The following MTUS2 variants were observed in gnomAD, a reference collection of about 807,000 sequenced individuals.
MTUS2 encodes the protein microtubule associated scaffold protein 2.
A neutral mutation model predicts 114.1 loss-of-function variants in MTUS2; 40 were observed. The ratio of observed to expected loss-of-function variants is 0.35; its 90% CI spans 0.27 to 0.46. The LOEUF is 0.46. Ranked by LOEUF, MTUS2 falls within the 20% of genes least tolerant of loss-of-function variation. The pLI is 1.00. For missense variants in MTUS2, 1,679 were observed against 1,705.4 expected (o/e 0.98, Z 0.27); for synonymous variants, 688 against 672.0 (o/e 1.02, Z -0.37).
At chr13:29,322,023 A>G (rs1479571213) in intron 6 of MTUS2, among the ~76,000 whole-genome samples, 1 of 152,138 alleles carries the variant, frequency 6.6e-6, no homozygotes, top group East Asian at 1.9e-4. Flanking sequence ...CTTATGTTAT[A>G]TATGTTATAA....
chr13:29,289,014 C>G (rs553734142), intron 6 of MTUS2, among the ~76,000 whole-genome samples: 174 of 152,280 alleles, frequency 1.1e-3, no homozygotes, highest in African/African-American at 4.0e-3. Flanking sequence ...AAAAAAAAAT[C>G]CTTTATAAAA....
chr13:29,026,618 G>A lies in MTUS2; in HGVS notation c.1920G>A (p.Val640=). The change falls in exon 3 of 16, where the codon GTG becomes GTA. Residue 640 remains valine, a synonymous_variant. Transcript: ENST00000612955. ...TCATTATGCCCAAGCCCAAGCATGT[G>A]AGGCCCAAGATCATCACCTACATCA... ...KPIIMPKPKH[V]RPKIITYIRR... is the part of the protein sequence containing the mutation. 1.9e-6 allele frequency: 3 copies of A among 1,613,978 alleles called. No homozygotes were observed. In the Admixed American group the frequency reaches 5.0e-5, roughly 27 times the overall value.
intron 8 of MTUS2, among the ~76,000 whole-genome samples, chr13:29,375,603 AT>A (rs1871624685): frequency 1.6e-3 from 7 of 4,382 alleles, no homozygotes; most frequent in Non-Finnish European, 4.0e-3. Context: ...ATATATATAT[AT>A]ATACGTATAT....
At chr13:28,981,379 G>C (rs1187873874) in intron 2 of MTUS2, among the ~76,000 whole-genome samples, 1 of 152,152 alleles carries the variant, frequency 6.6e-6, no homozygotes, top group Non-Finnish European at 1.5e-5. Flanking sequence ...CAAACGTGTA[G>C]GTAGTTTCCA....
chr13:29,095,838 T>C (rs781445084), intron 4 of MTUS2, among the ~76,000 whole-genome samples: 53 of 152,206 alleles, frequency 3.5e-4, no homozygotes, highest in Non-Finnish European at 7.1e-4. Flanking sequence ...TTTCTCTCTT[T>C]ATTGTTATTT....
intron 2 of MTUS2, among the ~76,000 whole-genome samples, chr13:29,000,244 G>C (rs1713097077): frequency 6.6e-6 from 1 of 152,170 alleles, no homozygotes; most frequent in African/African-American, 2.4e-5. Context: ...TTGCACGGCA[G>C]GTATAGTGGT....
chr13:29,396,731 G>C (rs1025050104), intron 8 of MTUS2, among the ~76,000 whole-genome samples: 1 of 152,164 alleles, frequency 6.6e-6, no homozygotes, highest in Non-Finnish European at 1.5e-5. Flanking sequence ...CCAGTAACAA[G>C]GGAGCAAAAC....
chr13:29,049,483 A>G (rs752655141), intron 4 of MTUS2, among the ~76,000 whole-genome samples: 2 of 152,216 alleles, frequency 1.3e-5, no homozygotes, highest in African/African-American at 2.4e-5. Context: ...AGGTTTAGCA[A>G]TGAAGCTAGA....
intron 2 of MTUS2, among the ~76,000 whole-genome samples, chr13:28,906,430 G>A (rs1227374872): frequency 6.6e-6 from 1 of 151,092 alleles, no homozygotes; most frequent in Non-Finnish European, 1.5e-5. Flanking sequence ...CTTTGAATGT[G>A]TCCCAGAGAT....
At chr13:29,369,075 A>G (rs2388093) in intron 8 of MTUS2, among the ~76,000 whole-genome samples, 100,139 of 151,558 alleles carry the variant, frequency 0.66, 33,200 homozygotes, top group East Asian at 0.75. Flanking sequence ...CAGGAACCAG[A>G]CAGCAGAAGA....
intron 5 of MTUS2, among the ~76,000 whole-genome samples, chr13:29,251,329 C>T (rs749785807): frequency 7.3e-6 from 1 of 136,344 alleles, no homozygotes; most frequent in African/African-American, 3.0e-5. Flanking sequence ...AAATGCCTAC[C>T]ATCTGGCATG....
intron 6 of MTUS2, among the ~76,000 whole-genome samples, chr13:29,290,202 T>C (rs1273345944): frequency 6.6e-6 from 1 of 152,222 alleles, no homozygotes; most frequent in Non-Finnish European, 1.5e-5. Flanking sequence ...ACCCATAATA[T>C]TTACTTACCA....
intron 5 of MTUS2, among the ~76,000 whole-genome samples, chr13:29,233,032 A>G (rs1408385118): frequency 6.6e-6 from 1 of 152,230 alleles, no homozygotes; most frequent in African/African-American, 2.4e-5. Context: ...AAGAACAGCA[A>G]AATGACTCTG....
At chr13:29,378,080 C>T (rs1404482552) in intron 8 of MTUS2, among the ~76,000 whole-genome samples, 2 of 152,100 alleles carry the variant, frequency 1.3e-5, no homozygotes, top group African/African-American at 2.4e-5. Context: ...ACTATAGTGA[C>T]AGAGAACAGA....
In MTUS2 at chr13:29,359,562, T is replaced by C. The variant is rs1490315352; in HGVS notation, c.3117+89T>C. ...CGGTTGTTTGTGTATGTTGCTGTTT[T>C]GGGTTTGAGTTTTGATCAGAGTGGA... On this transcript the variant is annotated intron_variant, in intron 8 of 15. Coordinates refer to ENST00000612955, the MANE Select transcript of MTUS2 (RefSeq NM_001033602.4). 13 of 1,432,914 alleles carry C rather than the reference T, an allele frequency of 9.1e-6. No homozygotes were observed. The Admixed American group carries it at 2.5e-4, about 27-fold the overall frequency. 88.8% of individuals were successfully genotyped at this position (1,432,914 alleles called of 1,614,324 possible). A position where few individuals can be genotyped will look rare whatever the true frequency, so the allele number is the denominator to read the frequency against.
chr13:29,109,950 C>T (rs984743107), intron 5 of MTUS2, among the ~76,000 whole-genome samples: 10 of 152,334 alleles, frequency 6.6e-5, no homozygotes, highest in African/African-American at 2.2e-4. Context: ...AAGCTAAAAA[C>T]ATATCGTTTT....
At chr13:29,441,491 C>A (rs1043239743) in intron 9 of MTUS2, among the ~76,000 whole-genome samples, 2 of 152,214 alleles carry the variant, frequency 1.3e-5, no homozygotes, top group Non-Finnish European at 2.9e-5. Flanking sequence ...GCAGTGATGA[C>A]CTCATTGCCA....
Position 29,141,001 on chromosome 13 carries a change from C to A in MTUS2, c.2644+40031C>A, listed in dbSNP as rs1475464. On this transcript the variant is annotated intron_variant, in intron 5 of 15. Transcript: ENST00000612955. Reference sequence around the variant, plus strand: ...GCCTTAGGGGTCCCCTGACCCCTTCCACCATCAGAGACAAATTTACATTCT... The same window carrying A: ...GCCTTAGGGGTCCCCTGACCCCTTCAACCATCAGAGACAAATTTACATTCT... Among the ~76,000 whole-genome samples, 420 of 152,274 alleles carry A rather than the reference C, an allele frequency of 2.8e-3. 2 individuals carry two copies. The highest frequency in any genetic ancestry group is 9.6e-3 in the African/African-American group (400 of 41,552).
At chr13:29,088,510 G>A (rs1256391066) in intron 4 of MTUS2, among the ~76,000 whole-genome samples, 1 of 152,198 alleles carries the variant, frequency 6.6e-6, no homozygotes, top group Non-Finnish European at 1.5e-5. Flanking sequence ...CAAGTGTTGA[G>A]TATAGGTCCC....
Sources: allele counts gnomAD v4.1 joint callset (sites outside exome capture counted in the v4.1 genomes callset), GRCh38; gene constraint gnomAD v4.1.1; transcripts MANE v1.5; gene names NCBI Gene and HGNC (gene_info 2026-07-23, HGNC 2026-07-21).